The following OSBPL1A variants were observed in gnomAD, a reference collection of about 807,000 sequenced individuals.
The protein encoded by OSBPL1A is oxysterol-binding protein-related protein 1.
A neutral mutation model predicts 137.1 loss-of-function variants in OSBPL1A; 80 were observed. The ratio of observed to expected loss-of-function variants is 0.58; its 90% CI spans 0.49 to 0.70. The LOEUF is 0.70. OSBPL1A is among the 30% of genes least tolerant of loss of function. The probability of loss-of-function intolerance (pLI) is 0.00; values close to 1 mark genes in which losing one functional copy is unlikely to be tolerated. For missense variants in OSBPL1A, 970 were observed against 1,129.4 expected (o/e 0.86, Z 2.02); for synonymous variants, 365 against 389.7 (o/e 0.94, Z 0.75).
intron 17 of OSBPL1A, among the ~76,000 whole-genome samples, chr18:24,201,621 A>C (rs1433396232): frequency 6.6e-6 from 1 of 151,846 alleles, no homozygotes; most frequent in Non-Finnish European, 1.5e-5. Context: ...AAATTAGCTG[A>C]GCGTGGTGGC....
At chr18:24,376,536 G>A (rs1906153880) in intron 2 of OSBPL1A, among the ~76,000 whole-genome samples, 1 of 152,222 alleles carries the variant, frequency 6.6e-6, no homozygotes, top group Admixed American at 6.5e-5. Context: ...TCCCGCACTG[G>A]GGCTGCAGGT....
In OSBPL1A at chr18:24,310,016, C is replaced by T. The variant is rs533553003; in HGVS notation, c.1092+1968G>A. ...GAGCCATGATCGCATCACTGCACTC[C>T]AGCCCGTGCAACAGAGCAAGACTCT... is the stretch of plus-strand genomic sequence containing the variant. On this transcript the variant is annotated intron_variant, in intron 13 of 27. Transcript: ENST00000319481. 6.4e-4 allele frequency among the ~76,000 whole-genome samples: 91 copies of T among 142,334 alleles called. 1 individual carries two copies. The highest frequency in any genetic ancestry group is 1.2e-3 in the Non-Finnish European group (80 of 66,432). 93.4% of individuals were successfully genotyped at this position (142,334 alleles called of 152,430 possible).
intron 16 of OSBPL1A, among the ~76,000 whole-genome samples, chr18:24,229,313 C>T (rs2088193243): frequency 6.6e-6 from 1 of 152,188 alleles, no homozygotes; most frequent in Non-Finnish European, 1.5e-5. Flanking sequence ...ATCATAAACT[C>T]TGAGCTTTGT....
chr18:24,310,037 A>C (rs1268482106), intron 13 of OSBPL1A, among the ~76,000 whole-genome samples: 1 of 135,462 alleles, frequency 7.4e-6, no homozygotes, highest in African/African-American at 2.8e-5. Flanking sequence ...ACAGAGCAAG[A>C]CTCTGTCTCA....
chr18:24,389,244 G>T (rs1016600143), intron 1 of OSBPL1A, among the ~76,000 whole-genome samples: 4 of 152,092 alleles, frequency 2.6e-5, no homozygotes, highest in African/African-American at 9.7e-5. Flanking sequence ...AGATTTTCAT[G>T]GCCATGAGAA....
intron 16 of OSBPL1A, among the ~76,000 whole-genome samples, chr18:24,236,584 G>C (rs1339538614): frequency 2.0e-5 from 3 of 152,298 alleles, no homozygotes; most frequent in East Asian, 3.9e-4. Flanking sequence ...AGCCACAGAA[G>C]GGCTACTGTG....
chr18:24,367,022 C>A, intron 3 of OSBPL1A, 56 bp from the exon 4 acceptor site: 1 of 1,443,058 alleles, frequency 6.9e-7, no homozygotes, highest in South Asian at 1.4e-5. Flanking sequence ...AAAATCATTC[C>A]TTCAAAATAT....
intron 4 of OSBPL1A, among the ~76,000 whole-genome samples, chr18:24,354,131 G>C (rs770639616): frequency 1.3e-5 from 2 of 151,306 alleles, no homozygotes; most frequent in Non-Finnish European, 2.9e-5. Context: ...ATAAACAGGA[G>C]GTTAAAAAAA....
rs75178151 is a variant in OSBPL1A, at chr18:24,170,597, C to T, written c.2292-144G>A. On this transcript the variant is annotated intron_variant, in intron 23 of 27. Transcript: ENST00000319481. ...GCTTCCAAGAGCAGATGAGATCAGG[C>T]GTGTTCAGGGTGGCATCGCCATAGA... 685 of 813,736 alleles carry T rather than the reference C, an allele frequency of 8.4e-4. 3 individuals are homozygous for T. The African/African-American group carries it at 9.2e-3, about 11-fold the overall frequency. 50.4% of individuals were successfully genotyped at this position (813,736 alleles called of 1,614,324 possible). A position where few individuals can be genotyped will look rare whatever the true frequency, so the allele number is the denominator to read the frequency against.
At chr18:24,227,037 A>G (rs1599526383) in intron 16 of OSBPL1A, among the ~76,000 whole-genome samples, 1 of 151,978 alleles carries the variant, frequency 6.6e-6, no homozygotes, top group Non-Finnish European at 1.5e-5. Flanking sequence ...GACTACAGGC[A>G]TGCGCCACCA....
intron 17 of OSBPL1A, among the ~76,000 whole-genome samples, chr18:24,197,165 T>G (rs181251972): frequency 1.3e-5 from 2 of 151,852 alleles, no homozygotes; most frequent in African/African-American, 2.4e-5. Context: ...CTGGGCAACA[T>G]AGTGAAACCC....
chr18:24,312,006 G>C lies in OSBPL1A; in HGVS notation c.1070C>G (p.Ala357Gly), dbSNP rs752087706. The change falls in exon 13 of 28, where the codon GCA (alanine) becomes GGA (glycine). Residue 357 changes from alanine (A) to glycine (G), a missense_variant. Ala to Gly is a moderately conservative substitution (Grantham distance 60). Transcript: ENST00000319481. ...TACCTCTAATGATTTCTTCAGGTCT[G>C]CAGCAGAAACCGTATCTTCCTCCTC... The part of the protein sequence containing the change: ...DEEEEDTVSA[A>G]DLKKSLEKAQ... The C allele has an allele frequency of 9.9e-6, 16 of 1,613,960 alleles. No individual in the cohort carries two copies. In the African/African-American group the frequency reaches 2.0e-4, roughly 20 times the overall value.
At chr18:24,318,947 G>A (rs2090792127) in intron 7 of OSBPL1A, 138 bp from the exon 8 acceptor site, 3 of 724,532 alleles carry the variant, frequency 4.1e-6, no homozygotes, top group Non-Finnish European at 4.6e-6. Context: ...TTACCTACCA[G>A]AGAGAGGTTG....
intron 2 of OSBPL1A, among the ~76,000 whole-genome samples, chr18:24,376,436 C>T (rs1408144732): frequency 1.3e-5 from 2 of 152,198 alleles, no homozygotes; most frequent in African/African-American, 4.8e-5. Context: ...TACAGAGTGC[C>T]GATTGGTGTA....
At chr18:24,359,088 C>A (rs187163605) in intron 4 of OSBPL1A, among the ~76,000 whole-genome samples, 3 of 152,206 alleles carry the variant, frequency 2.0e-5, no homozygotes. Flanking sequence ...TACAGTGGCA[C>A]ATGCCTGTGG....
chr18:24,275,636 G>A (rs749656062), intron 15 of OSBPL1A, among the ~76,000 whole-genome samples: 1 of 152,096 alleles, frequency 6.6e-6, no homozygotes, highest in African/African-American at 2.4e-5. Context: ...CCAGTGTCCA[G>A]TCCAAAGAAG....
intron 1 of OSBPL1A, among the ~76,000 whole-genome samples, chr18:24,396,759 C>T (rs1456749097): frequency 6.6e-6 from 1 of 152,118 alleles, no homozygotes; most frequent in Non-Finnish European, 1.5e-5. Context: ...CGGGGTTAGA[C>T]TGCAAATACT....
intron 17 of OSBPL1A, among the ~76,000 whole-genome samples, chr18:24,222,816 C>T (rs2087934820): frequency 6.6e-6 from 1 of 152,132 alleles, no homozygotes; most frequent in Non-Finnish European, 1.5e-5. Context: ...CACAGTCTCT[C>T]TTTAAAAAAT....
chr18:24,380,749 C>T (rs1906517931), intron 1 of OSBPL1A, among the ~76,000 whole-genome samples: 1 of 152,012 alleles, frequency 6.6e-6, no homozygotes, highest in Non-Finnish European at 1.5e-5. Flanking sequence ...GTCAGGAGTT[C>T]GAGACCAGTC....
Sources: gnomAD v4.1 joint callset for allele counts (sites outside exome capture counted in the v4.1 genomes callset) on GRCh38, gnomAD v4.1.1 for gene constraint, MANE v1.5 for transcripts, NCBI Gene and HGNC (gene_info 2026-07-23, HGNC 2026-07-21) for gene names.